The following STIL variants were observed in gnomAD, a reference collection of about 807,000 sequenced individuals.
STIL encodes SCL-interrupting locus protein.
Under a neutral mutation model 110.1 loss-of-function variants are expected in STIL, and 55 were observed. The ratio of observed to expected loss-of-function variants is 0.50; its 90% confidence interval spans 0.40 to 0.63. The LOEUF (loss-of-function observed/expected upper bound fraction) is 0.63, where lower values mean the gene tolerates loss of function less well. STIL is among the 20% of genes least tolerant of loss of function. The probability of loss-of-function intolerance (pLI) is 0.00; values close to 1 mark genes in which losing one functional copy is unlikely to be tolerated. For synonymous variants in STIL, 481 were observed against 530.0 expected (o/e 0.91, Z 1.27); for missense variants, 1,358 against 1,530.0 (o/e 0.89, Z 1.87).
intron 12 of STIL, among the ~76,000 whole-genome samples, chr1:47,274,337 CTTT>C (rs547052740): frequency 6.7e-6 from 1 of 150,372 alleles, no homozygotes; most frequent in Non-Finnish European, 1.5e-5. Flanking sequence ...CAGAACTTTT[CTTT>C]TTTTTCTTTG....
In STIL at chr1:47,261,133, A is replaced by G. The variant is rs182509402; in HGVS notation, c.2830-594T>C. ...CTGGGCGTGGTGGCTCACACCTGTA[A>G]TCCCAGCACTTTGGGAGGCCAAGGT... On this transcript the variant is annotated intron_variant, in intron 15 of 16. Coordinates refer to ENST00000371877, the MANE Select transcript of STIL (RefSeq NM_001048166.1). Among the ~76,000 whole-genome samples the G allele has an allele frequency of 4.6e-3, 704 of 152,332 alleles. 4 individuals are homozygous for G. Among genetic ancestry groups the G allele is most frequent in the Non-Finnish European group, 7.4e-3 (506 of 68,028 alleles).
chr1:47,269,777 T>A lies in STIL; in HGVS notation c.2473A>T (p.Met825Leu). 1 of 1,614,190 alleles carries A rather than the reference T, an allele frequency of 6.2e-7. No individual in the cohort carries two copies. The highest frequency in any genetic ancestry group is 8.5e-7 in the Non-Finnish European group (1 of 1,180,016). Residue 825 changes from methionine to leucine, a missense_variant, in exon 14 of 17, where the codon ATG (methionine) becomes TTG (leucine). Transcript: ENST00000371877. Reference sequence around the variant, plus strand: ...TTATTAATATCGACAGAAAAATTCATGTCCTCACTGGAAATTTTGGTATCA... The same window carrying A: ...TTATTAATATCGACAGAAAAATTCAAGTCCTCACTGGAAATTTTGGTATCA... ...QDDTKISSED[M>L]NFSVDINNEV...
intron 14 of STIL, among the ~76,000 whole-genome samples, chr1:47,266,531 T>C (rs1644659514): frequency 6.6e-6 from 1 of 152,230 alleles, no homozygotes; most frequent in African/African-American, 2.4e-5. Flanking sequence ...CCAGCTAAGT[T>C]AAAATATTTT....
At chr1:47,261,795 C>A (rs1402902923) in intron 15 of STIL, among the ~76,000 whole-genome samples, 2 of 151,152 alleles carry the variant, frequency 1.3e-5, no homozygotes, top group Non-Finnish European at 2.9e-5. Context: ...GCCTGTAGTC[C>A]CAGCTACTTG....
rs746426780 is a variant in STIL, at chr1:47,281,251, G to A, written c.1249-42C>T. 6 of 1,573,512 alleles carry A rather than the reference G, an allele frequency of 3.8e-6. No homozygotes were observed. The South Asian group carries it at 5.8e-5, about 15-fold the overall frequency. On this transcript the variant is annotated intron_variant, in intron 11 of 16. Transcript: ENST00000371877. ...AATAGAAAAAAAAAGTATTTTTTTGGAGAAACTGTATACTTTACTTTCCTC... is the reference window on the plus strand; with the variant it reads ...AATAGAAAAAAAAAGTATTTTTTTGAAGAAACTGTATACTTTACTTTCCTC...
chr1:47,297,922 G>A (rs568151923), intron 6 of STIL, among the ~76,000 whole-genome samples: 2 of 152,228 alleles, frequency 1.3e-5, no homozygotes, highest in East Asian at 3.9e-4. Context: ...ATGGGGATGG[G>A]TACTAAAGAA....
chr1:47,287,187 A>AC (rs1570189925), intron 10 of STIL, among the ~76,000 whole-genome samples: 1 of 152,082 alleles, frequency 6.6e-6, no homozygotes, highest in South Asian at 2.1e-4. Context: ...ATACAGCGAG[A>AC]CCCCACCTTT....
At chr1:47,276,963 T>C (rs569492258) in intron 12 of STIL, among the ~76,000 whole-genome samples, 1 of 151,198 alleles carries the variant, frequency 6.6e-6, no homozygotes, top group Non-Finnish European at 1.5e-5. Flanking sequence ...GAAAAATAAA[T>C]AAATAAATAG....
chr1:47,280,932 G>C lies in STIL; in HGVS notation c.1526C>G (p.Pro509Arg). Residue 509 changes from proline to arginine, a missense_variant, in exon 12 of 17, where the codon CCT becomes CGT. Coordinates refer to ENST00000371877, the MANE Select transcript of STIL (RefSeq NM_001048166.1). ...LLRHCKVRQP[P>R]AYKKGNPHTR... ...ATGGGGGTTCCCTTTCTTATAGGCA[G>C]GTGGCTGTCTTACTTTGCAGTGTCT... is the stretch of plus-strand genomic sequence containing the variant. 6.2e-7 allele frequency: 1 copy of C among 1,614,094 alleles called. No homozygotes were observed. The highest frequency in any genetic ancestry group is 8.5e-7 in the Non-Finnish European group (1 of 1,180,022).
intron 14 of STIL, among the ~76,000 whole-genome samples, chr1:47,263,748 T>TTTTTTTG (rs1644552330): frequency 8.6e-5 from 3 of 34,950 alleles, no homozygotes; most frequent in Non-Finnish European, 2.2e-4. Context: ...TTCCAAGTTT[T>TTTTTTTG]TTTTTTTTTT....
intron 2 of STIL, among the ~76,000 whole-genome samples, chr1:47,305,541 G>C (rs1645932513): frequency 6.6e-6 from 1 of 151,586 alleles, no homozygotes; most frequent in East Asian, 1.9e-4. Flanking sequence ...CGATTCTCCA[G>C]CCTTAGCCTC....
intron 14 of STIL, among the ~76,000 whole-genome samples, chr1:47,268,775 A>T (rs1197439174): frequency 6.8e-6 from 1 of 147,920 alleles, no homozygotes; most frequent in East Asian, 2.0e-4. Context: ...AAATAAATAA[A>T]TAAATAAATA....
intron 4 of STIL, 84 bp downstream of exon 4, chr1:47,302,150 G>T: frequency 1.0e-6 from 1 of 982,980 alleles, no homozygotes; most frequent in Non-Finnish European, 1.6e-6. Context: ...TAAACTCCTA[G>T]GTTCAAGTGA....
At chr1:47,304,279 A>G (rs1645889350) in intron 3 of STIL, among the ~76,000 whole-genome samples, 1 of 151,878 alleles carries the variant, frequency 6.6e-6, no homozygotes, top group South Asian at 2.1e-4. Flanking sequence ...TCAACCTCCC[A>G]AAGTGCTGGG....
chr1:47,251,879 T>A lies in STIL; in HGVS notation c.3124A>T (p.Asn1042Tyr), dbSNP rs1353421568. The A allele has an allele frequency of 6.2e-7, 1 of 1,609,782 alleles. No individual in the cohort carries two copies. The highest frequency in any genetic ancestry group is 8.5e-7 in the Non-Finnish European group (1 of 1,178,506). ...CCAACATTAGCAAATGACATGCAGT[T>A]TAATCCAGAGATCACTGCTTCTGGG... ...ISPEAVISGLNCMSFANVGMS... is the reference protein window; with the variant it reads ...ISPEAVISGLYCMSFANVGMS... Residue 1042 changes from asparagine (N) to tyrosine (Y), a missense_variant, in exon 17 of 17, where the codon AAC (asparagine) becomes TAC (tyrosine). By Grantham distance (143) the Asn-to-Tyr change is moderately radical. Coordinates refer to ENST00000371877, the MANE Select transcript of STIL (RefSeq NM_001048166.1).
intron 6 of STIL, among the ~76,000 whole-genome samples, chr1:47,298,775 G>C (rs941085924): frequency 1.3e-5 from 2 of 151,118 alleles, no homozygotes; most frequent in Non-Finnish European, 2.9e-5. Flanking sequence ...ACAGAGTCTC[G>C]CTCTGCCGCC....
In STIL at chr1:47,260,363, T is replaced by C. The variant is rs762792668; in HGVS notation, c.3006A>G (p.Gln1002=). Residue 1002 remains glutamine, a synonymous_variant, in exon 16 of 17, where the codon CAA becomes CAG. Transcript: ENST00000371877. The stretch of plus-strand genomic sequence containing the variant: ...CAATTTTTACTCCAAGGCTTCTTAG[T>C]TGCTTAAGAGTTGCATTAAGGACAC... ...KDCVLNATLK[Q]LRSLGVKIDS... is the part of the protein sequence containing the mutation. 6.8e-6 allele frequency: 11 copies of C among 1,614,064 alleles called. No homozygotes were observed. The highest frequency in any genetic ancestry group is 1.7e-5 in the Admixed American group (1 of 59,998).
chr1:47,274,341 T>C (rs1222250637), intron 12 of STIL, among the ~76,000 whole-genome samples: 1 of 150,994 alleles, frequency 6.6e-6, no homozygotes, highest in African/African-American at 2.4e-5. Context: ...ACTTTTCTTT[T>C]TTTTCTTTGA....
At chr1:47,269,029 T>C (rs375088740) in intron 14 of STIL, among the ~76,000 whole-genome samples, 318 of 150,876 alleles carry the variant, frequency 2.1e-3, no homozygotes, top group African/African-American at 7.4e-3. Context: ...AGGTGGAGAT[T>C]GCAGTGAGCC....
Sources: allele counts gnomAD v4.1 joint callset (sites outside exome capture counted in the v4.1 genomes callset), GRCh38; gene constraint gnomAD v4.1.1; transcripts MANE v1.5; gene names NCBI Gene and HGNC (gene_info 2026-07-23, HGNC 2026-07-21).